TAC1: variants seen among roughly 807,000 people sequenced by gnomAD.
TAC1 encodes tachykinin precursor 1, also known as protachykinin-1.
Under a neutral mutation model 21.7 loss-of-function variants are expected in TAC1, and 12 were observed. That is an observed-to-expected ratio of 0.55 (90% CI 0.35 to 0.89). TAC1 has a LOEUF of 0.89. TAC1 is among the 40% of genes least tolerant of loss of function. TAC1 has a pLI of 0.01. For missense variants in TAC1, 128 were observed against 151.4 expected (o/e 0.85, Z 0.81); for synonymous variants, 52 against 52.0 (o/e 1.00, Z 0.00).
chr7:97,735,327 G>A (rs1481563689), intron 5 of TAC1, among the ~76,000 whole-genome samples: 2 of 152,176 alleles, frequency 1.3e-5, no homozygotes, highest in Non-Finnish European at 2.9e-5. Context: ...GTGAACATGA[G>A]TAGAGAATCC....
intron 3 of TAC1, 41 bp from the exon 4 acceptor site, chr7:97,734,207 T>C: frequency 4.4e-6 from 7 of 1,594,710 alleles, no homozygotes; most frequent in East Asian, 2.2e-5. Context: ...CATCGCACGG[T>C]CAGTGGAACA....
chr7:97,738,912 T>C (rs1789636272), intron 6 of TAC1, among the ~76,000 whole-genome samples: 1 of 151,758 alleles, frequency 6.6e-6, no homozygotes, highest in Non-Finnish European at 1.5e-5. Context: ...TCGTTAAGGA[T>C]GAAAAATATC....
chr7:97,734,140 C>A, intron 3 of TAC1, 108 bp from the exon 4 acceptor site: 1 of 1,099,368 alleles, frequency 9.1e-7, no homozygotes, highest in Non-Finnish European at 1.4e-6. Context: ...GATTTTATAG[C>A]ATTCCCTGAG....
chr7:97,734,310 T>C lies in TAC1; in HGVS notation c.265+18T>C. ...TCTTTATGGTAAACATTCCTATAAATCTTTATTTTACTATTGTGAAAGCAC... is the reference window on the plus strand; with the variant it reads ...TCTTTATGGTAAACATTCCTATAAACCTTTATTTTACTATTGTGAAAGCAC... On this transcript the variant is annotated intron_variant, in intron 4 of 6. Transcript: ENST00000319273. 6.2e-7 allele frequency: 1 copy of C among 1,605,186 alleles called. No individual in the cohort carries two copies.
At chr7:97,737,657 G>A (rs1465776619) in intron 6 of TAC1, among the ~76,000 whole-genome samples, 1 of 151,924 alleles carries the variant, frequency 6.6e-6, no homozygotes, top group Admixed American at 6.6e-5. Context: ...ACTTCCTAGT[G>A]TTCTTATTGG....
intron 6 of TAC1, among the ~76,000 whole-genome samples, chr7:97,738,176 T>G (rs188935062): frequency 6.6e-6 from 1 of 152,014 alleles, no homozygotes; most frequent in Non-Finnish European, 1.5e-5. Flanking sequence ...GGGATCTTTT[T>G]ATGTACCTCA....
intron 5 of TAC1, among the ~76,000 whole-genome samples, chr7:97,735,980 T>C (rs1180448052): frequency 6.6e-6 from 1 of 152,086 alleles, no homozygotes; most frequent in Non-Finnish European, 1.5e-5. Context: ...TGAAATTGAC[T>C]TCCTAAAAAA....
At chr7:97,736,436 A>C in intron 6 of TAC1, 84 bp downstream of exon 6, 1 of 1,271,090 alleles carries the variant, frequency 7.9e-7, no homozygotes, top group South Asian at 1.3e-5. Flanking sequence ...AAATATTAAA[A>C]AGGAGTGGTA....
In TAC1 at chr7:97,733,709, C is replaced by G. The variant is rs780592590; in HGVS notation, c.124-14C>G. On this transcript the variant is annotated splice_polypyrimidine_tract_variant and intron_variant, in intron 2 of 6. Coordinates refer to ENST00000319273, the MANE Select transcript of TAC1 (RefSeq NM_003182.3). ...TTGCCTTACACGCCCTTTGTCCGTG[C>G]TTTTGTCTCCCAGGAGGAACTGCCG... 9 of 1,613,686 alleles carry G rather than the reference C, an allele frequency of 5.6e-6. No homozygotes were observed. Among genetic ancestry groups the G allele is most frequent in the Non-Finnish European group, 7.6e-6 (9 of 1,179,764 alleles).
intron 6 of TAC1, among the ~76,000 whole-genome samples, chr7:97,737,527 A>T (rs1789605076): frequency 6.6e-6 from 1 of 152,012 alleles, no homozygotes; most frequent in Admixed American, 6.6e-5. Context: ...AATCTGGGCT[A>T]CGGCAGAAGC....
intron 2 of TAC1, among the ~76,000 whole-genome samples, 196 bp from the exon 3 acceptor site, chr7:97,733,527 G>T (rs1266827749): frequency 1.3e-5 from 2 of 152,148 alleles, no homozygotes; most frequent in Non-Finnish European, 2.9e-5. Flanking sequence ...GCAGGCTTGC[G>T]GGGGGCGGGA....
Position 97,740,369 on chromosome 7 carries a change from A to G in TAC1, c.*449A>G, listed in dbSNP as rs1442831416. The G allele has an allele frequency of 6.5e-6, 1 of 152,824 alleles. No homozygotes were observed. The highest frequency in any genetic ancestry group is 6.5e-5 in the Admixed American group (1 of 15,272). The allele number at this position is 152,824 out of a possible 1,614,324, so 9.5% of individuals were successfully genotyped here. A position where few individuals can be genotyped will look rare whatever the true frequency, so the allele number is the denominator to read the frequency against. ...AGCATGTTTCATGTTTTGTGACTAT[A>G]TAGAGATGTTTTTAAAAGTTTCAAT... On this transcript the variant is annotated 3_prime_UTR_variant, in exon 7 of 7. Coordinates refer to ENST00000319273, the MANE Select transcript of TAC1 (RefSeq NM_003182.3).
intron 6 of TAC1, among the ~76,000 whole-genome samples, 155 bp downstream of exon 6, chr7:97,736,507 A>C (rs1241405340): frequency 2.6e-5 from 4 of 152,092 alleles, no homozygotes; most frequent in African/African-American, 9.7e-5. Flanking sequence ...CCACAAATGG[A>C]TTTATAGCTG....
At chr7:97,737,012 A>T (rs1789587964) in intron 6 of TAC1, among the ~76,000 whole-genome samples, 1 of 151,986 alleles carries the variant, frequency 6.6e-6, no homozygotes, top group Non-Finnish European at 1.5e-5. Context: ...ATTCTGAACA[A>T]CTTTTTCGTA....
intron 6 of TAC1, among the ~76,000 whole-genome samples, chr7:97,737,938 T>C (rs1161401098): frequency 2.0e-5 from 3 of 152,018 alleles, no homozygotes; most frequent in East Asian, 3.8e-4. Context: ...AGAATTGATA[T>C]AGGTTTCAGA....
intron 3 of TAC1, 22 bp from the exon 4 acceptor site, chr7:97,734,226 A>C (rs771237682): frequency 3.0e-5 from 48 of 1,612,642 alleles, no homozygotes; most frequent in Middle Eastern, 1.7e-4. Flanking sequence ...CATGTAGTTA[A>C]TGACAATTCG....
rs1163221047 is a variant in TAC1 at position 97,740,372 on chromosome 7, G to C, written c.*452G>C. ...ATGTTTCATGTTTTGTGACTATATA[G>C]AGATGTTTTTAAAAGTTTCAATGTG... On this transcript the variant is annotated 3_prime_UTR_variant, in exon 7 of 7. Transcript: ENST00000319273. 1 of 152,708 alleles carries C rather than the reference G, an allele frequency of 6.5e-6. No individual in the cohort carries two copies. The highest frequency in any genetic ancestry group is 2.4e-5 in the African/African-American group (1 of 41,340). 9.5% of individuals were successfully genotyped at this position (152,708 alleles called of 1,614,324 possible).
intron 5 of TAC1, among the ~76,000 whole-genome samples, chr7:97,735,745 A>G (rs1789563186): frequency 6.6e-6 from 1 of 152,192 alleles, no homozygotes; most frequent in Non-Finnish European, 1.5e-5. Flanking sequence ...AGAATTATAT[A>G]TAAAAATTCT....
intron 6 of TAC1, among the ~76,000 whole-genome samples, chr7:97,739,015 T>TATA (rs1562785791): frequency 6.7e-6 from 1 of 150,186 alleles, no homozygotes; most frequent in Non-Finnish European, 1.5e-5. Context: ...TATAATATAA[T>TATA]ATACAATTTT....
Sources: gnomAD v4.1 joint callset for allele counts (sites outside exome capture counted in the v4.1 genomes callset) on GRCh38, gnomAD v4.1.1 for gene constraint, MANE v1.5 for transcripts, NCBI Gene and HGNC (gene_info 2026-07-23, HGNC 2026-07-21) for gene names.